PPP1R13B: variants seen among roughly 807,000 people sequenced by gnomAD.
PPP1R13B encodes the protein apoptosis-stimulating of p53 protein 1.
A neutral mutation model predicts 119.8 loss-of-function variants in PPP1R13B; 44 were observed. The ratio of observed to expected loss-of-function variants is 0.37; its 90% CI spans 0.29 to 0.47. The LOEUF (loss-of-function observed/expected upper bound fraction) is 0.47. Among genes scored for constraint, PPP1R13B ranks in the 20% least tolerant of loss-of-function variants. PPP1R13B has a pLI of 0.99. For missense variants in PPP1R13B, 1,227 were observed against 1,413.5 expected (o/e 0.87, Z 2.12); for synonymous variants, 542 against 561.5 (o/e 0.97, Z 0.49).
intron 2 of PPP1R13B, among the ~76,000 whole-genome samples, chr14:103,791,124 CTT>C (rs74264751): frequency 2.1e-5 from 3 of 144,968 alleles, no homozygotes; most frequent in African/African-American, 2.5e-5. Context: ...CTTTTTTCTT[CTT>C]TTTTTTTTTT....
chr14:103,743,586 GAACTA>G (rs1181669044), intron 9 of PPP1R13B, among the ~76,000 whole-genome samples: 1 of 152,238 alleles, frequency 6.6e-6, no homozygotes, highest in Non-Finnish European at 1.5e-5. Context: ...GTGCTGAACT[GAACTA>G]AAGTGTTCAA....
intron 4 of PPP1R13B, among the ~76,000 whole-genome samples, chr14:103,759,736 G>T (rs2084761020): frequency 6.6e-6 from 1 of 151,654 alleles, no homozygotes; most frequent in African/African-American, 2.4e-5. Context: ...CCCACCAAAG[G>T]CTTCACAAAA....
intron 1 of PPP1R13B, among the ~76,000 whole-genome samples, chr14:103,833,669 C>T (rs2086709185): frequency 6.6e-6 from 1 of 151,618 alleles, no homozygotes; most frequent in Admixed American, 6.6e-5. Flanking sequence ...AAATAAAATC[C>T]TTCTACCTAA....
chr14:103,803,897 T>C (rs1209982826), intron 1 of PPP1R13B, among the ~76,000 whole-genome samples: 2 of 152,154 alleles, frequency 1.3e-5, no homozygotes, highest in South Asian at 2.1e-4. Flanking sequence ...CTGGAACCAA[T>C]GTCTGCCCAT....
chr14:103,755,644 T>C (rs909697985), intron 5 of PPP1R13B, among the ~76,000 whole-genome samples: 2 of 152,314 alleles, frequency 1.3e-5, no homozygotes, highest in Non-Finnish European at 2.9e-5. Flanking sequence ...TAAAACAATA[T>C]GTGCTTAAAT....
chr14:103,746,853 C>T (rs767402398), intron 8 of PPP1R13B: 29 of 216,204 alleles, frequency 1.3e-4, no homozygotes, highest in Non-Finnish European at 2.1e-4. Context: ...TCAGGATACT[C>T]TTCCTCCCTT....
At chr14:103,807,989 C>T (rs2086058242) in intron 1 of PPP1R13B, among the ~76,000 whole-genome samples, 2 of 151,844 alleles carry the variant, frequency 1.3e-5, no homozygotes, top group Non-Finnish European at 2.9e-5. Context: ...GCCTATAATC[C>T]CAGCACTTTG....
intron 2 of PPP1R13B, among the ~76,000 whole-genome samples, chr14:103,790,505 G>T (rs1595777155): frequency 6.6e-6 from 1 of 152,136 alleles, no homozygotes; most frequent in Non-Finnish European, 1.5e-5. Flanking sequence ...CCCAAGACAT[G>T]GTGGCCCACG....
chr14:103,757,935 T>A (rs958241480), intron 4 of PPP1R13B, among the ~76,000 whole-genome samples, 184 bp from the exon 5 acceptor site: 8 of 151,974 alleles, frequency 5.3e-5, no homozygotes, highest in African/African-American at 1.9e-4. Context: ...TATAAATAAC[T>A]GTTTTTCTAA....
At chr14:103,774,132 C>G (rs139220947) in intron 4 of PPP1R13B, among the ~76,000 whole-genome samples, 76 of 152,248 alleles carry the variant, frequency 5.0e-4, no homozygotes, top group African/African-American at 1.8e-3. Context: ...ACACTATACA[C>G]AAAAATTAAC....
chr14:103,827,891 A>G (rs893012018), intron 1 of PPP1R13B, among the ~76,000 whole-genome samples: 1 of 152,150 alleles, frequency 6.6e-6, no homozygotes, highest in Non-Finnish European at 1.5e-5. Flanking sequence ...GTTATCCCAC[A>G]GAAGCCTTAG....
intron 8 of PPP1R13B, among the ~76,000 whole-genome samples, chr14:103,748,061 TCACATACACA>T (rs1488261178): frequency 4.5e-5 from 5 of 111,300 alleles, no homozygotes; most frequent in African/African-American, 7.5e-5. Flanking sequence ...ATTCCTTAAA[TCACATACACA>T]CACACACACA....
chr14:103,829,923 T>G (rs1181875180), intron 1 of PPP1R13B, among the ~76,000 whole-genome samples: 1 of 151,098 alleles, frequency 6.6e-6, no homozygotes, highest in Non-Finnish European at 1.5e-5. Flanking sequence ...GGACTACAGA[T>G]GCACGCCACC....
intron 1 of PPP1R13B, among the ~76,000 whole-genome samples, chr14:103,830,311 G>T (rs2086639660): frequency 6.6e-6 from 1 of 151,374 alleles, no homozygotes; most frequent in Non-Finnish European, 1.5e-5. Context: ...GGCCAGGCTG[G>T]CCTCAAACTC....
chr14:103,826,947 G>A (rs2086559492), intron 1 of PPP1R13B, among the ~76,000 whole-genome samples: 1 of 151,986 alleles, frequency 6.6e-6, no homozygotes, highest in South Asian at 2.1e-4. Flanking sequence ...GGGAGGCAGA[G>A]CTTGCAGTGA....
chr14:103,784,291 T>C (rs1326713018), intron 3 of PPP1R13B, among the ~76,000 whole-genome samples: 1 of 151,826 alleles, frequency 6.6e-6, no homozygotes, highest in Non-Finnish European at 1.5e-5. Context: ...CTAAAAAGTG[T>C]GATGTAATTG....
intron 2 of PPP1R13B, among the ~76,000 whole-genome samples, chr14:103,785,295 C>T (rs933279793): frequency 2.0e-5 from 3 of 152,158 alleles, no homozygotes; most frequent in African/African-American, 7.2e-5. Context: ...TCTTGGCTCA[C>T]CGCAACCTCC....
Position 103,738,976 on chromosome 14 carries a change from G to A in PPP1R13B, c.2640C>T (p.His880=), listed in dbSNP as rs1376023409. ...LKKPNSERTG[H]GLRVRFNPLA... ...GGGGGTTAAACCGGACTCTCAGCCC[G>A]TGCCCCGTCCGCTCCGAGTTGGGCT... Residue 880 remains histidine, a synonymous_variant, in exon 13 of 17, where the codon CAC becomes CAT. Coordinates refer to ENST00000202556, the MANE Select transcript of PPP1R13B (RefSeq NM_015316.3). The surrounding 1 kb of genome is among the most constrained non-coding windows in gnomAD (Gnocchi z 5.6). The A allele has an allele frequency of 1.7e-5, 28 of 1,613,934 alleles. No homozygotes were observed. Among genetic ancestry groups the A allele is most frequent in the Non-Finnish European group, 2.3e-5 (27 of 1,180,014 alleles).
At chr14:103,791,717 A>G (rs4900595) in intron 2 of PPP1R13B, among the ~76,000 whole-genome samples, 67,810 of 152,144 alleles carry the variant, frequency 0.45, 15,623 homozygotes, top group African/African-American at 0.56. Context: ...GCAAGACTCC[A>G]TCTCAAAACA....
Sources: allele counts gnomAD v4.1 joint callset (sites outside exome capture counted in the v4.1 genomes callset), GRCh38; gene constraint gnomAD v4.1.1; non-coding constraint Gnocchi (gnomAD v3.1); transcripts MANE v1.5; gene names NCBI Gene and HGNC (gene_info 2026-07-23, HGNC 2026-07-21).